MTUS2: variants seen among roughly 807,000 people sequenced by gnomAD.
MTUS2 encodes the protein microtubule associated scaffold protein 2.
Under a neutral mutation model 114.1 loss-of-function variants are expected in MTUS2, and 40 were observed. The ratio of observed to expected loss-of-function variants is 0.35; its 90% CI spans 0.27 to 0.46. MTUS2 has a LOEUF of 0.46. MTUS2 is among the 20% of genes least tolerant of loss of function. The pLI is 1.00. For synonymous variants in MTUS2, 688 were observed against 672.0 expected, an observed-to-expected ratio of 1.02 and a Z score of -0.37; for missense variants, 1,679 against 1,705.4, an observed-to-expected ratio of 0.98 and a Z score of 0.27.
At chr13:29,138,240 ACAAT>A (rs1368997253) in intron 5 of MTUS2, among the ~76,000 whole-genome samples, 1 of 152,016 alleles carries the variant, frequency 6.6e-6, no homozygotes, top group Non-Finnish European at 1.5e-5. Flanking sequence ...AAAATTAACT[ACAAT>A]TTGCTATCCT....
At chr13:29,119,089 A>T (rs947590451) in intron 5 of MTUS2, among the ~76,000 whole-genome samples, 3 of 152,222 alleles carry the variant, frequency 2.0e-5, no homozygotes, top group African/African-American at 7.2e-5. Context: ...TTTTCTATGT[A>T]TAATATTATT....
At chr13:29,449,005 C>T (rs887487285) in intron 9 of MTUS2, among the ~76,000 whole-genome samples, 7 of 152,010 alleles carry the variant, frequency 4.6e-5, no homozygotes, top group African/African-American at 7.2e-5. Context: ...CCGCCCACCT[C>T]GGCCTCCCAA....
intron 10 of MTUS2, among the ~76,000 whole-genome samples, chr13:29,486,140 G>A (rs143347966): frequency 1.7e-3 from 258 of 152,326 alleles, no homozygotes; most frequent in African/African-American, 5.9e-3. Flanking sequence ...TTCTCCTGGT[G>A]GGTTCATAGC....
chr13:29,472,304 G>A (rs1355677159), intron 9 of MTUS2, among the ~76,000 whole-genome samples: 1 of 152,170 alleles, frequency 6.6e-6, no homozygotes. Context: ...TTACAGGCGT[G>A]AGCCACCGTG....
At position 29,005,459 on chromosome 13, in the gene MTUS2, G is replaced by A. The variant is rs1289304912; in HGVS notation, c.-242-18998G>A. On this transcript the variant is annotated intron_variant, in intron 2 of 15. Coordinates refer to ENST00000612955, the MANE Select transcript of MTUS2 (RefSeq NM_001033602.4). The stretch of plus-strand genomic sequence containing the variant: ...TACATGAAAGTTCTGGTACAGAAAG[G>A]GATCTGCAGATGCTGAATGACAAGG... 2.0e-5 allele frequency among the ~76,000 whole-genome samples: 3 copies of A among 152,178 alleles called. 1 individual carries two copies. The highest frequency in any genetic ancestry group is 1.5e-5 in the Non-Finnish European group (1 of 68,026).
intron 6 of MTUS2, 128 bp downstream of exon 6, chr13:29,281,993 C>A: frequency 9.5e-7 from 1 of 1,049,028 alleles, no homozygotes; most frequent in Non-Finnish European, 1.3e-6. Context: ...TAGTTAGTAA[C>A]AATAATACCA....
intron 2 of MTUS2, among the ~76,000 whole-genome samples, chr13:28,870,819 C>T (rs1215446808): frequency 6.6e-6 from 1 of 152,200 alleles, no homozygotes; most frequent in East Asian, 1.9e-4. Context: ...TCTCTTCCTC[C>T]TCCCCATGAA....
chr13:29,261,909 G>A (rs1300276366), intron 5 of MTUS2, among the ~76,000 whole-genome samples: 1 of 129,848 alleles, frequency 7.7e-6, no homozygotes, highest in African/African-American at 2.6e-5. Context: ...AAGAGGAATG[G>A]TAAAAAGTTG....
At chr13:29,373,242 A>G (rs1871331275) in intron 8 of MTUS2, among the ~76,000 whole-genome samples, 1 of 152,160 alleles carries the variant, frequency 6.6e-6, no homozygotes, top group Non-Finnish European at 1.5e-5. Flanking sequence ...GGTAGCACCA[A>G]CCTGCCAGAG....
rs561539511 is a variant in MTUS2, at chr13:29,243,846, C to T, written c.2645-37858C>T. Among the ~76,000 whole-genome samples, 4 of 152,172 alleles carry T rather than the reference C, an allele frequency of 2.6e-5. No individual in the cohort carries two copies. In the South Asian group the frequency reaches 8.3e-4, roughly 32 times the overall value. ...GGCATCGATACAATTTGTATAGCTC[C>T]CTAGATGATCCTAATTTATAGCCAG... On this transcript the variant is annotated intron_variant, in intron 5 of 15. Coordinates refer to ENST00000612955, the MANE Select transcript of MTUS2 (RefSeq NM_001033602.4).
intron 2 of MTUS2, among the ~76,000 whole-genome samples, chr13:28,886,473 A>G (rs889633620): frequency 1.4e-4 from 22 of 152,114 alleles, no homozygotes; most frequent in African/African-American, 3.6e-4. Context: ...TGGATTAGCT[A>G]TGAGGTATGA....
chr13:29,474,926 C>T (rs539192152), intron 9 of MTUS2, among the ~76,000 whole-genome samples: 3 of 152,166 alleles, frequency 2.0e-5, no homozygotes, highest in African/African-American at 7.2e-5. Context: ...TTGCCTTGAT[C>T]TTCTGGAGTT....
intron 4 of MTUS2, among the ~76,000 whole-genome samples, chr13:29,049,475 G>A (rs1281556698): frequency 6.6e-6 from 1 of 152,210 alleles, no homozygotes; most frequent in Non-Finnish European, 1.5e-5. Flanking sequence ...TGGCTGAGAG[G>A]TTTAGCAATG....
At chr13:29,161,287 G>A (rs531383745) in intron 5 of MTUS2, among the ~76,000 whole-genome samples, 7 of 152,206 alleles carry the variant, frequency 4.6e-5, no homozygotes, top group Middle Eastern at 3.4e-3. Flanking sequence ...GCTACTGGGG[G>A]GAACTGAGTG....
intron 5 of MTUS2, among the ~76,000 whole-genome samples, chr13:29,191,291 A>G (rs541643449): frequency 2.8e-4 from 43 of 152,258 alleles, no homozygotes; most frequent in African/African-American, 9.6e-4. Flanking sequence ...CACTGGCACT[A>G]GAATCTCTGA....
At chr13:29,210,949 G>A (rs1461586040) in intron 5 of MTUS2, among the ~76,000 whole-genome samples, 9 of 152,218 alleles carry the variant, frequency 5.9e-5, no homozygotes, top group African/African-American at 2.2e-4. Context: ...CCGCAGTAGT[G>A]TAGGGAGGAT....
chr13:28,915,386 G>A (rs950915870), intron 2 of MTUS2, among the ~76,000 whole-genome samples: 1 of 151,872 alleles, frequency 6.6e-6, no homozygotes, highest in Non-Finnish European at 1.5e-5. Context: ...CTTCTCCATA[G>A]AGGTTGTACT....
chr13:29,501,129 C>G lies in MTUS2; in HGVS notation c.3831C>G (p.Ile1277Met). The G allele has an allele frequency of 1.2e-6, 2 of 1,614,030 alleles. No homozygotes were observed. The highest frequency in any genetic ancestry group is 2.2e-5 in the South Asian group (2 of 91,076). Residue 1277 changes from isoleucine (I) to methionine (M), a missense_variant, in exon 15 of 16, where the codon ATC becomes ATG. Around this residue, in one of 3 missense-constraint regions of MTUS2, gnomAD observed 822 missense variants for 899.7 expected, o/e 0.91. Coordinates refer to ENST00000612955, the MANE Select transcript of MTUS2 (RefSeq NM_001033602.4). ...AEKNIILEEKIQVLQQQNEDL... is the reference protein window; with the variant it reads ...AEKNIILEEKMQVLQQQNEDL... ...AGAACATTATCCTAGAAGAAAAGAT[C>G]CAGGTTCTCCAACAGCAGAACGAAG...
At chr13:29,183,840 A>G (rs1471573996) in intron 5 of MTUS2, among the ~76,000 whole-genome samples, 1 of 152,154 alleles carries the variant, frequency 6.6e-6, no homozygotes, top group Non-Finnish European at 1.5e-5. Flanking sequence ...CTTTTTTCAT[A>G]TTATCTTACT....
Sources: gnomAD v4.1 joint callset for allele counts (sites outside exome capture counted in the v4.1 genomes callset) on GRCh38, gnomAD v4.1.1 for gene constraint, gnomAD v4.1.1 regional missense constraint, MANE v1.5 for transcripts, NCBI Gene and HGNC (gene_info 2026-07-23, HGNC 2026-07-21) for gene names.